The following BRCA2 variants were observed in gnomAD, a reference collection of about 807,000 sequenced individuals.
BRCA2 encodes the protein breast cancer type 2 susceptibility protein.
Under a neutral mutation model 276.7 loss-of-function variants are expected in BRCA2, and 203 were observed. The ratio of observed to expected loss-of-function variants is 0.73; its 90% CI spans 0.65 to 0.82. BRCA2 has a LOEUF of 0.82. BRCA2 is among the 40% of genes least tolerant of loss of function. The pLI, the probability that BRCA2 is intolerant of heterozygous loss-of-function variation, is 0.00. For missense variants in BRCA2, 3,920 were observed against 3,915.0 expected (o/e 1.00, Z -0.03); for synonymous variants, 1,289 against 1,338.4 (o/e 0.96, Z 0.81).
At position 32,380,050 on chromosome 13, in the gene BRCA2, C is replaced by A. The variant is rs80359172; in HGVS notation, c.9161C>A (p.Pro3054His). The change falls in exon 24 of 27, where the codon CCC becomes CAC. Residue 3054 changes from proline to histidine, a missense_variant. Pro to His is a moderately conservative substitution (Grantham distance 77). Around this residue, in one of 2 missense-constraint regions of BRCA2, gnomAD observed 657 missense variants for 758.2 expected, o/e 0.87. Coordinates refer to ENST00000380152, the MANE Select transcript of BRCA2 (RefSeq NM_000059.4). ...TTTCAGATTTACCAGCCACGGGAGCCCCTTCACTTCAGCAAATTTTTAGAT... is the reference window on the plus strand; with the variant it reads ...TTTCAGATTTACCAGCCACGGGAGCACCTTCACTTCAGCAAATTTTTAGAT... ...ILFQIYQPRE[P>H]LHFSKFLDPD... The A allele has an allele frequency of 6.2e-7, 1 of 1,614,000 alleles. No individual in the cohort carries two copies. Among genetic ancestry groups the A allele is most frequent in the Non-Finnish European group, 8.5e-7 (1 of 1,179,988 alleles).
Position 32,337,523 on chromosome 13 carries a change from AAAG to A in BRCA2, c.3171_3173del (p.Lys1058del). On this transcript the variant is annotated inframe_deletion, in exon 11 of 27. Transcript: ENST00000380152. Reference sequence around the variant, plus strand: ...TAAATACCTTGGCATTAGATAATCAAAAGAAACTGAGCAAGCCTCAGTCAATTA... The same window carrying A: ...TAAATACCTTGGCATTAGATAATCAAAAACTGAGCAAGCCTCAGTCAATTA... 1.9e-6 allele frequency: 3 copies of A among 1,608,232 alleles called. No individual in the cohort carries two copies. Among genetic ancestry groups the A allele is most frequent in the Non-Finnish European group, 2.5e-6 (3 of 1,176,998 alleles).
intron 20 of BRCA2, among the ~76,000 whole-genome samples, chr13:32,373,128 A>G (rs1051951641): frequency 5.9e-5 from 9 of 151,306 alleles, no homozygotes; most frequent in Admixed American, 2.0e-4. Flanking sequence ...AGTAGCTGGG[A>G]TTACAGGTGT....
At position 32,338,977 on chromosome 13, in the gene BRCA2, A is replaced by G. The variant is rs747899091; in HGVS notation, c.4622A>G (p.Lys1541Arg). The change falls in exon 11 of 27, where the codon AAA becomes AGA. Residue 1541 changes from lysine to arginine, a missense_variant. Coordinates refer to ENST00000380152, the MANE Select transcript of BRCA2 (RefSeq NM_000059.4). ...KVKIAKESLD[K>R]VKNLFDEKEQ... is the part of the protein sequence containing the mutation. ...AAAATTGCAAAGGAATCTTTGGACA[A>G]AGTGAAAAACCTTTTTGATGAAAAA... 3 of 1,613,738 alleles carry G rather than the reference A, an allele frequency of 1.9e-6. No homozygotes were observed. The Admixed American group carries it at 5.0e-5, about 27-fold the overall frequency.
intron 16 of BRCA2, among the ~76,000 whole-genome samples, chr13:32,362,258 G>A (rs1385518265): frequency 6.6e-6 from 1 of 152,066 alleles, no homozygotes; most frequent in African/African-American, 2.4e-5. Flanking sequence ...TCAAACTTCT[G>A]GCCTCAAGCA....
chr13:32,326,692 G>A (rs1364137337), intron 7 of BRCA2, 79 bp downstream of exon 7: 8 of 1,085,406 alleles, frequency 7.4e-6, no homozygotes, highest in Non-Finnish European at 1.1e-5. Flanking sequence ...CTGTTAAAAG[G>A]AAATATGAAA....
intron 18 of BRCA2, among the ~76,000 whole-genome samples, chr13:32,366,450 T>C (rs2072782794): frequency 6.6e-6 from 1 of 152,146 alleles, no homozygotes; most frequent in South Asian, 2.1e-4. Flanking sequence ...AGATGTGAGA[T>C]TGAAGTAAAA....
chr13:32,369,545 A>G (rs952601700), intron 18 of BRCA2, among the ~76,000 whole-genome samples: 10 of 152,198 alleles, frequency 6.6e-5, no homozygotes, highest in Admixed American at 5.9e-4. Context: ...TAAAATGGAG[A>G]TGAGTCTTCA....
At chr13:32,345,850 G>C (rs1281974383) in intron 12 of BRCA2, among the ~76,000 whole-genome samples, 1 of 151,822 alleles carries the variant, frequency 6.6e-6, no homozygotes, top group Non-Finnish European at 1.5e-5. Context: ...TTTTCTACTG[G>C]CCTCATGTTG....
At position 32,332,234 on chromosome 13, in the gene BRCA2, A is replaced by G. The variant is rs774154353; in HGVS notation, c.794-38A>G. 2.0e-6 allele frequency: 3 copies of G among 1,527,462 alleles called. No individual in the cohort carries two copies. Among genetic ancestry groups the G allele is most frequent in the East Asian group, 2.3e-5 (1 of 44,150 alleles). The allele number at this position is 1,527,462 out of a possible 1,614,324, so 94.6% of individuals were successfully genotyped here. The stretch of plus-strand genomic sequence containing the variant: ...GAGAATAATATAAATTATATGGCTT[A>G]TAAAATATTAATGTGCTTCTGTTTT... On this transcript the variant is annotated intron_variant, in intron 9 of 26. Transcript: ENST00000380152.
At chr13:32,376,830 T>G (rs748503722) in intron 21 of BRCA2, 39 bp downstream of exon 21, 1 of 1,611,166 alleles carries the variant, frequency 6.2e-7, no homozygotes, top group Non-Finnish European at 8.5e-7. Context: ...GCTTGATGAT[T>G]ATTCAAGGTG....
rs1391223943 is a variant in BRCA2 at position 32,339,007 on chromosome 13, A to G, written c.4652A>G (p.Gln1551Arg). 6.2e-7 allele frequency: 1 copy of G among 1,613,716 alleles called. No individual in the cohort carries two copies. The highest frequency in any genetic ancestry group is 8.5e-7 in the Non-Finnish European group (1 of 1,179,910). ...AAAAACCTTTTTGATGAAAAAGAGCAAGGTACTAGTGAAATCACCAGTTTT... is the reference window on the plus strand; with the variant it reads ...AAAAACCTTTTTGATGAAAAAGAGCGAGGTACTAGTGAAATCACCAGTTTT... Reference protein sequence around the residue: ...KVKNLFDEKEQGTSEITSFSH... With the variant: ...KVKNLFDEKERGTSEITSFSH... Residue 1551 changes from glutamine (Q) to arginine (R), a missense_variant, in exon 11 of 27, where the codon CAA becomes CGA. By Grantham distance (43) the Gln-to-Arg change is conservative. Around this residue, in one of 2 missense-constraint regions of BRCA2, gnomAD observed 3,263 missense variants for 3,156.9 expected, o/e 1.03. Transcript: ENST00000380152.
At chr13:32,386,451 T>G (rs1468116716) in intron 24 of BRCA2, among the ~76,000 whole-genome samples, 1 of 152,144 alleles carries the variant, frequency 6.6e-6, no homozygotes, top group Non-Finnish European at 1.5e-5. Context: ...CTTGCTGTTT[T>G]CAGAAACATA....
intron 24 of BRCA2, among the ~76,000 whole-genome samples, chr13:32,394,210 G>A (rs2073017546): frequency 6.6e-6 from 1 of 152,164 alleles, no homozygotes; most frequent in Admixed American, 6.5e-5. Flanking sequence ...GCTAATAAAA[G>A]TTGCTTCCAA....
In BRCA2 at chr13:32,372,283, A is replaced by G. The variant is rs112870240; in HGVS notation, c.8632+1183A>G. Among the ~76,000 whole-genome samples, 1,478 of 152,296 alleles carry G rather than the reference A, an allele frequency of 9.7e-3. 30 individuals carry two copies. Among genetic ancestry groups the G allele is most frequent in the African/African-American group, 0.034 (1,420 of 41,548 alleles). Reference sequence around the variant, plus strand: ...CTTCGCCAGGACTAGATTCCCTCTCAAGAAACTACTTTCTTTGCTTATCCA... The same window carrying G: ...CTTCGCCAGGACTAGATTCCCTCTCGAGAAACTACTTTCTTTGCTTATCCA... On this transcript the variant is annotated intron_variant, in intron 20 of 26. Coordinates refer to ENST00000380152, the MANE Select transcript of BRCA2 (RefSeq NM_000059.4).
At chr13:32,377,590 C>CAA (rs796964470) in intron 21 of BRCA2, among the ~76,000 whole-genome samples, 2 of 99,566 alleles carry the variant, frequency 2.0e-5, no homozygotes, top group Admixed American at 1.0e-4. Context: ...AACTCCGTCT[C>CAA]AAAAAAAAAA....
chr13:32,389,429 C>T (rs2072982519), intron 24 of BRCA2, among the ~76,000 whole-genome samples: 1 of 152,142 alleles, frequency 6.6e-6, no homozygotes, highest in Non-Finnish European at 1.5e-5. Context: ...CTTTAATCTT[C>T]TCTTTTCTGT....
rs1013664136 is a variant in BRCA2, at chr13:32,341,729, G to A, written c.6841+533G>A. ...AAAAAATACAAAAAATTAGCCGGGC[G>A]TAGTGGCGGGCGCCTGTAGTCCCAG... On this transcript the variant is annotated intron_variant, in intron 11 of 26. Transcript: ENST00000380152. 8.9e-4 allele frequency among the ~76,000 whole-genome samples: 135 copies of A among 151,400 alleles called. 1 individual carries two copies. Among genetic ancestry groups the A allele is most frequent in the Admixed American group, 8.5e-3 (129 of 15,252 alleles).
chr13:32,386,711 T>TC (rs963229948), intron 24 of BRCA2, among the ~76,000 whole-genome samples: 7 of 152,062 alleles, frequency 4.6e-5, no homozygotes, highest in Non-Finnish European at 7.4e-5. Context: ...GATTAATTTC[T>TC]CCCCCCCTTA....
chr13:32,373,963 AG>A (rs1247958484), intron 20 of BRCA2, among the ~76,000 whole-genome samples: 1 of 152,252 alleles, frequency 6.6e-6, no homozygotes, highest in Non-Finnish European at 1.5e-5. Flanking sequence ...AAATCTAGGC[AG>A]AGGCTCCCAC....
Sources: allele counts gnomAD v4.1 joint callset (sites outside exome capture counted in the v4.1 genomes callset), GRCh38; gene constraint gnomAD v4.1.1; regional missense constraint gnomAD v4.1.1; transcripts MANE v1.5; gene names NCBI Gene and HGNC (gene_info 2026-07-23, HGNC 2026-07-21).